Variants in PCDHGA8 observed in about 807,000 individuals in gnomAD.
PCDHGA8 encodes protocadherin gamma subfamily A, 8, also known as protocadherin gamma-A8.
PCDHGA8 carries 45 observed loss-of-function variants against 59.2 expected under a neutral mutation model. That is an observed-to-expected ratio of 0.76 (90% confidence interval 0.60 to 0.98). The LOEUF (loss-of-function observed/expected upper bound fraction) is 0.98. Among genes scored for constraint, PCDHGA8 ranks in the 50% least tolerant of loss-of-function variants. PCDHGA8 has a pLI of 0.00. For missense variants in PCDHGA8, 1,257 were observed against 1,196.2 expected (o/e 1.05, Z -0.75); for synonymous variants, 531 against 519.0 (o/e 1.02, Z -0.32).
Position 141,490,520 on chromosome 5 carries a change from G to A in PCDHGA8, c.2425-4287G>A. 1 of 1,614,072 alleles carries A rather than the reference G, an allele frequency of 6.2e-7. No individual in the cohort carries two copies. Among genetic ancestry groups the A allele is most frequent in the Non-Finnish European group, 8.5e-7 (1 of 1,180,014 alleles). ...CACTATATCATCGAGCTGCTGGCCAGCGATGCTGGTTCACCTTCCCTACAC... is the reference window on the plus strand; with the variant it reads ...CACTATATCATCGAGCTGCTGGCCAACGATGCTGGTTCACCTTCCCTACAC... On this transcript the variant is annotated intron_variant, in intron 1 of 3. Coordinates refer to ENST00000398604, the MANE Select transcript of PCDHGA8 (RefSeq NM_032088.2). The surrounding 1 kb of genome is among the most constrained non-coding windows in gnomAD (Gnocchi z 5.4).
chr5:141,408,865 A>T (rs765751172), intron 1 of PCDHGA8: 9 of 1,613,684 alleles, frequency 5.6e-6, no homozygotes, highest in Admixed American at 1.7e-5. Flanking sequence ...GGGACCCACC[A>T]AGAAGTGCCA....
At chr5:141,399,095 T>G (rs1342683408) in intron 1 of PCDHGA8, 2 of 1,613,850 alleles carry the variant, frequency 1.2e-6, no homozygotes, top group East Asian at 2.2e-5. Context: ...GGTGGTGGAC[T>G]GGTTGCACAA....
chr5:141,500,986 A>G (rs1223940696), intron 2 of PCDHGA8, among the ~76,000 whole-genome samples: 1 of 151,656 alleles, frequency 6.6e-6, no homozygotes, highest in East Asian at 1.9e-4. Flanking sequence ...CTCCTGCCTC[A>G]GCCTCCTGAG....
At chr5:141,428,064 G>C in intron 1 of PCDHGA8, 1 of 1,609,060 alleles carries the variant, frequency 6.2e-7, no homozygotes, top group East Asian at 2.2e-5. Flanking sequence ...GGCGGTGGAC[G>C]CAGATTCGGG....
chr5:141,403,856 T>A, intron 1 of PCDHGA8: 1 of 1,613,604 alleles, frequency 6.2e-7, no homozygotes, highest in Non-Finnish European at 8.5e-7. Context: ...TGGGGAAATA[T>A]CAACAGCAAA....
chr5:141,419,455 G>A lies in PCDHGA8; in HGVS notation c.2424+24218G>A, dbSNP rs770156844. 8.1e-6 allele frequency: 13 copies of A among 1,612,598 alleles called. No homozygotes were observed. The African/African-American group carries it at 1.7e-4, about 22-fold the overall frequency. ...AGCTGCGCACCTTCGAGCTCACGCT[G>A]CAGGCCCGCGACCAGGGCTCGCCCG... is the stretch of plus-strand genomic sequence containing the variant. On this transcript the variant is annotated intron_variant, in intron 1 of 3. Coordinates refer to ENST00000398604, the MANE Select transcript of PCDHGA8 (RefSeq NM_032088.2).
chr5:141,418,663 C>T, intron 1 of PCDHGA8: 1 of 1,613,960 alleles, frequency 6.2e-7, no homozygotes, highest in South Asian at 1.1e-5. Flanking sequence ...AGGCCACTGA[C>T]CAGGACGAGG....
In PCDHGA8 at chr5:141,491,961, G is replaced by A. The variant is rs891299192; in HGVS notation, c.2425-2846G>A. 3 of 970,010 alleles carry A rather than the reference G, an allele frequency of 3.1e-6. No individual in the cohort carries two copies. The highest frequency in any genetic ancestry group is 4.3e-6 in the Non-Finnish European group (3 of 693,098). 60.1% of individuals were successfully genotyped at this position (970,010 alleles called of 1,614,324 possible). On this transcript the variant is annotated intron_variant, in intron 1 of 3. Transcript: ENST00000398604. This position sits in a 1 kb window ranked among gnomAD's most constrained non-coding sequence, Gnocchi z 6.9. ...GACCCCCACCCCTACACTCAAAAAAGGCCGGGGCCTCCTTCGAGCTTCCGG... is the reference window on the plus strand; with the variant it reads ...GACCCCCACCCCTACACTCAAAAAAAGCCGGGGCCTCCTTCGAGCTTCCGG...
At chr5:141,404,044 A>G (rs752955570) in intron 1 of PCDHGA8, 3 of 1,613,936 alleles carry the variant, frequency 1.9e-6, no homozygotes, top group South Asian at 1.1e-5. Context: ...CTCAGGGAAC[A>G]GTAATTCTTC....
intron 2 of PCDHGA8, among the ~76,000 whole-genome samples, chr5:141,503,598 C>CAA (rs765754054): frequency 1.5e-4 from 10 of 65,698 alleles, no homozygotes; most frequent in African/African-American, 2.3e-4. Context: ...GACTCCAGCT[C>CAA]AAAAAAAAAA....
intron 1 of PCDHGA8, among the ~76,000 whole-genome samples, chr5:141,407,776 A>G (rs1248399145): frequency 2.0e-5 from 3 of 152,234 alleles, no homozygotes; most frequent in Non-Finnish European, 4.4e-5. Context: ...TGTGCATAAT[A>G]GATTTATTTA....
chr5:141,430,395 A>C (rs1461176471), intron 1 of PCDHGA8, among the ~76,000 whole-genome samples: 1 of 152,096 alleles, frequency 6.6e-6, no homozygotes, highest in Non-Finnish European at 1.5e-5. Context: ...AAAAAAAAAA[A>C]AGCTCACTAA....
intron 1 of PCDHGA8, chr5:141,475,974 A>G: frequency 1.0e-6 from 1 of 975,714 alleles, no homozygotes; most frequent in Non-Finnish European, 1.5e-6. Flanking sequence ...GCAGAGACTG[A>G]ACAGCCGGCG....
In PCDHGA8 at chr5:141,511,223, A is replaced by G. The variant is rs1193308928; in HGVS notation, c.*50A>G. On this transcript the variant is annotated 3_prime_UTR_variant, in exon 4 of 4. Transcript: ENST00000398604. ...AGGGCGGCCTCTCCCCAACCAGCCC[A>G]GCTTCTCCTTACCTGCACCCAGGCC... 1 of 1,604,390 alleles carries G rather than the reference A, an allele frequency of 6.2e-7. No individual in the cohort carries two copies.
rs1275109387 is a variant in PCDHGA8 at position 141,431,924 on chromosome 5, A to G, written c.2424+36687A>G. The G allele has an allele frequency of 1.1e-5, 17 of 1,614,050 alleles. No homozygotes were observed. Among genetic ancestry groups the G allele is most frequent in the Non-Finnish European group, 1.4e-5 (17 of 1,179,982 alleles). On this transcript the variant is annotated intron_variant, in intron 1 of 3. Coordinates refer to ENST00000398604, the MANE Select transcript of PCDHGA8 (RefSeq NM_032088.2). The surrounding 1 kb of genome is among the most constrained non-coding windows in gnomAD (Gnocchi z 4.8). ...ACAGGTGATCTGTTTCATCCAAGGA[A>G]ATCTGCCCTTTAAATTAGAAAAATC... is the stretch of plus-strand genomic sequence containing the variant.
At chr5:141,483,937 C>T (rs964918788) in intron 1 of PCDHGA8, among the ~76,000 whole-genome samples, 1 of 130,444 alleles carries the variant, frequency 7.7e-6, no homozygotes, top group African/African-American at 2.9e-5. Flanking sequence ...TAGGTACCTA[C>T]GGTGTGAATT....
chr5:141,494,236 T>C (rs1384800217), intron 1 of PCDHGA8, among the ~76,000 whole-genome samples: 7 of 152,128 alleles, frequency 4.6e-5, no homozygotes, highest in Non-Finnish European at 1.0e-4. Flanking sequence ...AAATTAATAA[T>C]GTATTTAGCT....
chr5:141,478,668 T>G (rs1411369994), intron 1 of PCDHGA8: 40 of 1,551,660 alleles, frequency 2.6e-5, no homozygotes, highest in Non-Finnish European at 3.4e-5. Flanking sequence ...CATTCACACT[T>G]TCAACTGGCC....
chr5:141,442,153 C>T, intron 1 of PCDHGA8: 1 of 158,698 alleles, frequency 6.3e-6, no homozygotes, highest in Non-Finnish European at 1.4e-5. Flanking sequence ...CAGACCTCAG[C>T]GATCACTCTG....
Sources: gnomAD v4.1 joint callset for allele counts (sites outside exome capture counted in the v4.1 genomes callset) on GRCh38, gnomAD v4.1.1 for gene constraint, Gnocchi (gnomAD v3.1) non-coding constraint, MANE v1.5 for transcripts, NCBI Gene and HGNC (gene_info 2026-07-23, HGNC 2026-07-21) for gene names.